Variants in GLYATL2 observed in about 807,000 individuals in gnomAD.
GLYATL2 encodes glycine N-acyltransferase-like protein 2.
A neutral mutation model predicts 21.4 loss-of-function variants in GLYATL2; 25 were observed. The observed-to-expected ratio is 1.17, with a 90% CI of 0.85 to 1.63. The LOEUF (loss-of-function observed/expected upper bound fraction) is 1.63. Ranked by LOEUF, GLYATL2 falls within the 40% of genes most tolerant of loss-of-function variation. GLYATL2 has a pLI of 0.00. For missense variants in GLYATL2, 361 were observed against 343.3 expected, an observed-to-expected ratio of 1.05 and a Z score of -0.41; for synonymous variants, 114 against 118.2, an observed-to-expected ratio of 0.96 and a Z score of 0.23.
In GLYATL2 at chr11:58,865,778, A is replaced by G. The variant is rs562239087; in HGVS notation, n.61-27410T>C. ...CCACTGTTTTAGGACATGACTTTAG[A>G]GAACGCATTAGCAGGGACTAAGCAA... On this transcript the variant is annotated intron_variant and non_coding_transcript_variant, in intron 1 of 4. Transcript: ENST00000533636. 2.7e-5 allele frequency among the ~76,000 whole-genome samples: 4 copies of G among 149,192 alleles called. 1 individual carries two copies. The highest frequency in any genetic ancestry group is 2.2e-4 in the South Asian group (1 of 4,650).
chr11:58,845,789 C>T (rs918328187), upstream of GLYATL2, among the ~76,000 whole-genome samples: 28 of 152,198 alleles, frequency 1.8e-4, no homozygotes, highest in African/African-American at 6.3e-4. Context: ...GGCCAAATAT[C>T]GAATTATTTT....
At chr11:58,893,148 G>A in intron 1 of GLYATL2, 1 of 395,954 alleles carries the variant, frequency 2.5e-6, no homozygotes, top group Non-Finnish European at 4.8e-6. Flanking sequence ...CTTACATCAA[G>A]CGCTGCATAG....
intron 1 of GLYATL2, among the ~76,000 whole-genome samples, chr11:58,853,353 C>A (rs1357907353): frequency 6.6e-6 from 1 of 152,104 alleles, no homozygotes; most frequent in Non-Finnish European, 1.5e-5. Flanking sequence ...AAATACAGAT[C>A]AAAAATAAAG....
In GLYATL2 at chr11:58,883,542, C is replaced by A. The variant is rs950302995; in HGVS notation, n.60+20614G>T. Among the ~76,000 whole-genome samples, 39 of 152,080 alleles carry A rather than the reference C, an allele frequency of 2.6e-4. 1 individual carries two copies. The highest frequency in any genetic ancestry group is 9.2e-4 in the Admixed American group (14 of 15,268). On this transcript the variant is annotated intron_variant and non_coding_transcript_variant, in intron 1 of 4. Coordinates refer to the GLYATL2 transcript ENST00000533636. ...GAAGAAGTTGAATCCCTGAATAGACCAATAACAGGCTCTGAAATTGAGACA... is the reference window on the plus strand; with the variant it reads ...GAAGAAGTTGAATCCCTGAATAGACAAATAACAGGCTCTGAAATTGAGACA...
intron 1 of GLYATL2, among the ~76,000 whole-genome samples, chr11:58,859,324 T>TTA (rs1554975553): frequency 6.6e-6 from 1 of 150,756 alleles, no homozygotes; most frequent in Non-Finnish European, 1.5e-5. Flanking sequence ...GTAGCATTCA[T>TTA]TCTCTCTCTC....
chr11:58,904,675 T>C (rs1384552384), upstream of GLYATL2, among the ~76,000 whole-genome samples: 1 of 152,228 alleles, frequency 6.6e-6, no homozygotes, highest in Non-Finnish European at 1.5e-5. Context: ...CCTGTTTCTG[T>C]TTGATATTAT....
intron 1 of GLYATL2, among the ~76,000 whole-genome samples, chr11:58,854,087 A>G (rs1030491430): frequency 6.6e-6 from 1 of 152,186 alleles, no homozygotes; most frequent in Non-Finnish European, 1.5e-5. Context: ...TATTTTACTT[A>G]ACATAATGTA....
intron 1 of GLYATL2, among the ~76,000 whole-genome samples, chr11:58,841,101 G>A (rs1485656005): frequency 6.6e-6 from 1 of 151,846 alleles, no homozygotes; most frequent in Non-Finnish European, 1.5e-5. Flanking sequence ...TATAAGAATG[G>A]CCATATTTTC....
At chr11:58,854,390 T>C (rs1367170771) in intron 1 of GLYATL2, among the ~76,000 whole-genome samples, 3 of 152,226 alleles carry the variant, frequency 2.0e-5, no homozygotes, top group African/African-American at 7.2e-5. Context: ...GGTTTCCCAG[T>C]GCATATAAAA....
At chr11:58,863,826 C>T (rs1156367464) in intron 1 of GLYATL2, among the ~76,000 whole-genome samples, 2 of 152,212 alleles carry the variant, frequency 1.3e-5, no homozygotes, top group African/African-American at 2.4e-5. Flanking sequence ...GTCCTAGATA[C>T]TGGGTCTGTG....
chr11:58,901,611 C>A (rs1272832610), intron 1 of GLYATL2, among the ~76,000 whole-genome samples: 1 of 151,826 alleles, frequency 6.6e-6, no homozygotes, highest in Non-Finnish European at 1.5e-5. Flanking sequence ...GGAATTTGCT[C>A]AAGGTCTCCC....
chr11:58,881,054 A>T (rs1412167410), intron 1 of GLYATL2, among the ~76,000 whole-genome samples: 1 of 152,160 alleles, frequency 6.6e-6, no homozygotes, highest in Non-Finnish European at 1.5e-5. Context: ...ATTTTTAATT[A>T]TTTTTACATC....
intron 1 of GLYATL2, chr11:58,885,587 G>T (rs1854422788): frequency 2.7e-6 from 1 of 363,648 alleles, no homozygotes; most frequent in African/African-American, 2.1e-5. Flanking sequence ...GGCCCAAAGG[G>T]CCTGAGGAAC....
At chr11:58,886,881 C>T (rs961781527) in intron 1 of GLYATL2, among the ~76,000 whole-genome samples, 8 of 152,186 alleles carry the variant, frequency 5.3e-5, no homozygotes, top group African/African-American at 7.2e-5. Flanking sequence ...ATGCAGAAAG[C>T]GACAAAATGA....
intron 1 of GLYATL2, among the ~76,000 whole-genome samples, chr11:58,896,680 C>G (rs899685080): frequency 6.6e-6 from 1 of 151,932 alleles, no homozygotes; most frequent in Non-Finnish European, 1.5e-5. Context: ...AAAAGCATAT[C>G]CTAGGCAACT....
chr11:58,841,385 G>T (rs1007164023), intron 1 of GLYATL2, among the ~76,000 whole-genome samples: 8 of 151,922 alleles, frequency 5.3e-5, no homozygotes, highest in Non-Finnish European at 1.2e-4. Context: ...TGCCTCAGTT[G>T]CATTATCTAT....
chr11:58,904,685 T>G (rs1854816953), upstream of GLYATL2, among the ~76,000 whole-genome samples: 1 of 152,362 alleles, frequency 6.6e-6, no homozygotes, highest in Admixed American at 6.5e-5. Flanking sequence ...TTTGATATTA[T>G]TTTTACAATT....
intron 1 of GLYATL2, among the ~76,000 whole-genome samples, chr11:58,876,242 C>T (rs1590740712): frequency 6.6e-6 from 1 of 152,278 alleles, no homozygotes; most frequent in Admixed American, 6.5e-5. Flanking sequence ...CTAACTTCCT[C>T]CTTTAGCTTG....
At chr11:58,836,704 T>G (rs1331588361) in intron 5 of GLYATL2, among the ~76,000 whole-genome samples, 2 of 152,186 alleles carry the variant, frequency 1.3e-5, no homozygotes, top group Non-Finnish European at 2.9e-5. Context: ...ACTTATGTAT[T>G]TTCTATAAGC....
Sources: allele counts gnomAD v4.1 joint callset (sites outside exome capture counted in the v4.1 genomes callset), GRCh38; gene constraint gnomAD v4.1.1; transcripts MANE v1.5; gene names NCBI Gene and HGNC (gene_info 2026-07-23, HGNC 2026-07-21).